The following MAP4 variants were observed in gnomAD, a reference collection of about 807,000 sequenced individuals.
The protein encoded by MAP4 is microtubule associated protein 4, also known as microtubule-associated protein 4.
MAP4 carries 76 observed loss-of-function variants against 170.2 expected under a neutral mutation model. The ratio of observed to expected loss-of-function variants is 0.45; its 90% CI spans 0.37 to 0.54. The LOEUF (loss-of-function observed/expected upper bound fraction) is 0.54, where lower values mean the gene tolerates loss of function less well. MAP4 is among the 20% of genes least tolerant of loss of function. MAP4 has a pLI of 0.00. For missense variants in MAP4, 2,506 were observed against 2,748.0 expected, an observed-to-expected ratio of 0.91 and a Z score of 1.97; for synonymous variants, 909 against 994.5, an observed-to-expected ratio of 0.91 and a Z score of 1.62.
intron 1 of MAP4, among the ~76,000 whole-genome samples, chr3:48,080,756 G>A (rs112147067): frequency 3.3e-5 from 5 of 152,162 alleles, no homozygotes; most frequent in South Asian, 2.1e-4. Context: ...TGAGGCAGGC[G>A]GATCACGAGG....
chr3:47,870,949 G>A lies in MAP4; in HGVS notation c.6158C>T (p.Pro2053Leu), dbSNP rs2152052218. 1 of 1,614,092 alleles carries A rather than the reference G, an allele frequency of 6.2e-7. No individual in the cohort carries two copies. Among genetic ancestry groups the A allele is most frequent in the Non-Finnish European group, 8.5e-7 (1 of 1,179,966 alleles). ...GGTGGAGCTGGGTTTGGCCGAGGTG[G>A]GCTTCTTGTCTATGAAAGGAGTTGT... ...PSTTPFIDKK[P>L]TSAKPSSTTP... is the part of the protein sequence containing the mutation. The change falls in exon 15 of 21, where the codon CCC (proline) becomes CTC (leucine). Residue 2053 changes from proline to leucine, a missense_variant. This residue lies in a region of MAP4 where 487 missense variants were observed against 511.6 expected (regional missense o/e 0.95). Coordinates refer to ENST00000683076, the MANE Select transcript of MAP4 (RefSeq NM_001385682.1).
intron 8 of MAP4, among the ~76,000 whole-genome samples, chr3:47,914,616 G>C (rs1279326508): frequency 6.6e-6 from 1 of 151,262 alleles, no homozygotes; most frequent in Non-Finnish European, 1.5e-5. Context: ...TAGGTATCCT[G>C]ATTTGCTGTA....
intron 1 of MAP4, among the ~76,000 whole-genome samples, chr3:48,045,560 C>T (rs1027700396): frequency 2.0e-5 from 3 of 152,108 alleles, no homozygotes; most frequent in Admixed American, 1.3e-4. Flanking sequence ...CCTCCCCCAG[C>T]GTCCCCTTCC....
chr3:47,975,749 C>A (rs2154263575), intron 3 of MAP4, among the ~76,000 whole-genome samples: 1 of 152,100 alleles, frequency 6.6e-6, no homozygotes, highest in African/African-American at 2.4e-5. Flanking sequence ...CCTCCCTCCA[C>A]CTTCCCTCCC....
intron 1 of MAP4, among the ~76,000 whole-genome samples, chr3:48,080,853 C>G (rs2100146272): frequency 6.6e-6 from 1 of 151,150 alleles, no homozygotes; most frequent in Non-Finnish European, 1.5e-5. Flanking sequence ...GGCCGGGCGC[C>G]CTGGCTCACG....
chr3:48,067,319 GTTCC>G (rs2100138811), intron 1 of MAP4, among the ~76,000 whole-genome samples: 1 of 152,066 alleles, frequency 6.6e-6, no homozygotes, highest in African/African-American at 2.4e-5. Context: ...GGAATATTAT[GTTCC>G]CCTGTATTTT....
At chr3:47,861,756 G>A (rs1250780738) in intron 17 of MAP4, among the ~76,000 whole-genome samples, 1 of 152,120 alleles carries the variant, frequency 6.6e-6, no homozygotes, top group Non-Finnish European at 1.5e-5. Context: ...CTACTCAGGA[G>A]GCTGAGGCAG....
chr3:47,957,705 T>A, intron 3 of MAP4, among the ~76,000 whole-genome samples: 1 of 152,154 alleles, frequency 6.6e-6, no homozygotes, highest in East Asian at 1.9e-4. Flanking sequence ...TGTTGTCACA[T>A]CCTATCACAC....
chr3:48,040,692 T>C (rs916533563), intron 1 of MAP4, among the ~76,000 whole-genome samples: 2 of 152,138 alleles, frequency 1.3e-5, no homozygotes, highest in Non-Finnish European at 2.9e-5. Flanking sequence ...GCCTCCTGAG[T>C]AGCTGGGACT....
intron 3 of MAP4, chr3:47,974,679 G>C (rs1356900566): frequency 1.0e-6 from 1 of 961,214 alleles, no homozygotes; most frequent in Non-Finnish European, 1.2e-6. Context: ...ACTGGTTCTA[G>C]ATTTAAGCAA....
chr3:47,973,411 G>A (rs191752805), intron 3 of MAP4: 3 of 985,318 alleles, frequency 3.0e-6, no homozygotes, highest in Admixed American at 1.2e-4. Context: ...TTCATTATGG[G>A]ACTGGCTACT....
chr3:48,023,610 T>A (rs1057271832), intron 1 of MAP4, among the ~76,000 whole-genome samples: 3 of 152,226 alleles, frequency 2.0e-5, no homozygotes, highest in African/African-American at 7.2e-5. Flanking sequence ...AAAGACAGTA[T>A]AAGGTTTGTC....
intron 1 of MAP4, among the ~76,000 whole-genome samples, chr3:48,079,023 T>C (rs1254645472): frequency 6.6e-6 from 1 of 151,884 alleles, no homozygotes; most frequent in Non-Finnish European, 1.5e-5. Context: ...ATACAAAAAT[T>C]GGCTGGGCAT....
At chr3:47,998,332 A>C (rs1324811096) in intron 2 of MAP4, among the ~76,000 whole-genome samples, 2 of 152,220 alleles carry the variant, frequency 1.3e-5, no homozygotes, top group Non-Finnish European at 1.5e-5. Flanking sequence ...AATTTTATTT[A>C]ACTTTTCAAA....
At chr3:48,016,927 C>T (rs965359473), upstream of MAP4, among the ~76,000 whole-genome samples, 1 of 152,150 alleles carries the variant, frequency 6.6e-6, no homozygotes, top group Non-Finnish European at 1.5e-5. Context: ...CAGGCATGCA[C>T]ACCACCATGC....
intron 3 of MAP4, 120 bp from the exon 4 acceptor site, chr3:47,928,470 C>CT (rs1439233127): frequency 2.0e-6 from 2 of 1,015,272 alleles, no homozygotes; most frequent in African/African-American, 3.2e-5. Context: ...TAGCTAGTGT[C>CT]TTACAAGAAA....
At chr3:48,049,339 A>G (rs1436853367) in intron 1 of MAP4, among the ~76,000 whole-genome samples, 2 of 152,246 alleles carry the variant, frequency 1.3e-5, no homozygotes, top group Admixed American at 1.3e-4. Context: ...TTTTAAAGAA[A>G]CTGCCAGCTG....
intron 4 of MAP4, among the ~76,000 whole-genome samples, chr3:47,927,844 G>A (rs1285935592): frequency 6.6e-6 from 1 of 152,096 alleles, no homozygotes; most frequent in Non-Finnish European, 1.5e-5. Context: ...ACATATATTT[G>A]GCAGAGTTAG....
intron 1 of MAP4, among the ~76,000 whole-genome samples, chr3:48,053,532 ATTTT>A (rs1008615729): frequency 6.6e-6 from 1 of 152,046 alleles, no homozygotes; most frequent in African/African-American, 2.4e-5. Context: ...GAACACTTTT[ATTTT>A]TTTTATTTTT....
Sources: gnomAD v4.1 joint callset for allele counts (sites outside exome capture counted in the v4.1 genomes callset) on GRCh38, gnomAD v4.1.1 for gene constraint, gnomAD v4.1.1 regional missense constraint, MANE v1.5 for transcripts, NCBI Gene and HGNC (gene_info 2026-07-23, HGNC 2026-07-21) for gene names.